ACACB: variants seen among roughly 807,000 people sequenced by gnomAD.
ACACB encodes acetyl-CoA carboxylase 2.
Under a neutral mutation model 278.8 loss-of-function variants are expected in ACACB, and 209 were observed. The ratio of observed to expected loss-of-function variants is 0.75; its 90% confidence interval spans 0.67 to 0.84. ACACB has a LOEUF of 0.84. Ranked by LOEUF, ACACB falls within the 40% of genes least tolerant of loss-of-function variation. The pLI, the probability that ACACB is intolerant of heterozygous loss-of-function variation, is 0.00. For missense variants in ACACB, 2,850 were observed against 3,269.0 expected (o/e 0.87, Z 3.13); for synonymous variants, 1,174 against 1,285.6 (o/e 0.91, Z 1.86).
rs539479893 is a variant in ACACB, at chr12:109,139,041, C to T, written c.-9-356C>T. On this transcript the variant is annotated intron_variant, in intron 1 of 52. Coordinates refer to ENST00000338432, the MANE Select transcript of ACACB (RefSeq NM_001093.4). Reference sequence around the variant, plus strand: ...CCCTACACTCTGTAGCCATCATCCCCATCCCACTAGGTCCTGGCAACCACT... The same window carrying T: ...CCCTACACTCTGTAGCCATCATCCCTATCCCACTAGGTCCTGGCAACCACT... 5.3e-5 allele frequency among the ~76,000 whole-genome samples: 8 copies of T among 152,346 alleles called. No homozygotes were observed. In the South Asian group the frequency reaches 1.7e-3, roughly 32 times the overall value.
intron 44 of ACACB, among the ~76,000 whole-genome samples, chr12:109,255,280 T>A (rs1282278193): frequency 6.6e-6 from 1 of 152,200 alleles, no homozygotes; most frequent in Non-Finnish European, 1.5e-5. Context: ...ATATCCCAAA[T>A]CTAGAATTTC....
intron 2 of ACACB, among the ~76,000 whole-genome samples, chr12:109,165,383 C>T (rs1246804934): frequency 6.6e-6 from 1 of 152,038 alleles, no homozygotes; most frequent in Non-Finnish European, 1.5e-5. Flanking sequence ...GAGATGGGGT[C>T]TTGCTACATT....
intron 2 of ACACB, among the ~76,000 whole-genome samples, chr12:109,145,931 C>G (rs165969): frequency 0.16 from 24,562 of 152,018 alleles, 2,246 homozygotes; most frequent in East Asian, 0.36. Flanking sequence ...ATCACTTGAA[C>G]CTGGGAGGCA....
intron 21 of ACACB, among the ~76,000 whole-genome samples, chr12:109,210,061 GTGTATATATGTGTATATA>G (rs2045678789): frequency 1.1e-5 from 1 of 87,146 alleles, no homozygotes; most frequent in South Asian, 4.0e-4. Context: ...ACACACACGT[GTGTATATATGTGTATATA>G]TGTATATATA....
At chr12:109,206,037 T>C (rs1006282533) in intron 19 of ACACB, among the ~76,000 whole-genome samples, 21 of 152,228 alleles carry the variant, frequency 1.4e-4, no homozygotes, top group South Asian at 4.1e-4. Context: ...GAGATGTTCA[T>C]AAATTTTCAT....
intron 20 of ACACB, among the ~76,000 whole-genome samples, chr12:109,207,998 T>C (rs1005421289): frequency 6.6e-6 from 1 of 151,992 alleles, no homozygotes; most frequent in Non-Finnish European, 1.5e-5. Flanking sequence ...TCTAACTACT[T>C]AAAAGTTCAA....
chr12:109,241,379 G>A, intron 36 of ACACB, 98 bp downstream of exon 36: 2 of 1,247,932 alleles, frequency 1.6e-6, no homozygotes, highest in Non-Finnish European at 2.3e-6. Context: ...AGGCGGTCTT[G>A]CCTTGCTCTC....
intron 2 of ACACB, among the ~76,000 whole-genome samples, chr12:109,141,342 G>GT (rs2043119530): frequency 6.6e-6 from 1 of 152,228 alleles, no homozygotes; most frequent in African/African-American, 2.4e-5. Flanking sequence ...TTCATAACAG[G>GT]TGGGACTATC....
chr12:109,229,610 GC>G (rs1301389511), intron 28 of ACACB, among the ~76,000 whole-genome samples: 9 of 151,924 alleles, frequency 5.9e-5, no homozygotes, highest in Admixed American at 5.9e-4. Context: ...GCTCACTGCA[GC>G]CTCCGCCTCC....
chr12:109,173,163 G>A (rs1023515148), intron 6 of ACACB, among the ~76,000 whole-genome samples: 1 of 152,166 alleles, frequency 6.6e-6, no homozygotes, highest in African/African-American at 2.4e-5. Context: ...CTACTTGAGG[G>A]TGAAAGGCGA....
chr12:109,156,711 A>G (rs1305545495), intron 2 of ACACB, among the ~76,000 whole-genome samples: 1 of 151,458 alleles, frequency 6.6e-6, no homozygotes, highest in Non-Finnish European at 1.5e-5. Flanking sequence ...ATAAACATTC[A>G]TGCACACCTC....
intron 1 of ACACB, among the ~76,000 whole-genome samples, chr12:109,126,437 C>T (rs1045203918): frequency 6.6e-6 from 1 of 152,128 alleles, no homozygotes; most frequent in Non-Finnish European, 1.5e-5. Flanking sequence ...AATCCCAGAA[C>T]TTTGGGAGGA....
intron 12 of ACACB, among the ~76,000 whole-genome samples, chr12:109,187,167 A>G (rs2044691291): frequency 6.6e-6 from 1 of 151,948 alleles, no homozygotes; most frequent in African/African-American, 2.4e-5. Context: ...GGAGGAAGGA[A>G]GGAGAGAAGA....
At chr12:109,137,639 G>A (rs775336850) in intron 1 of ACACB, among the ~76,000 whole-genome samples, 2 of 150,770 alleles carry the variant, frequency 1.3e-5, no homozygotes, top group South Asian at 2.1e-4. Context: ...CCACCTGGGC[G>A]ACAGGGTCAG....
chr12:109,210,270 C>CACACATATCTGTGTGTATATGTAT (rs1565927678), intron 21 of ACACB, among the ~76,000 whole-genome samples: 339 of 19,918 alleles, frequency 0.017, 120 homozygotes, highest in Middle Eastern at 0.031. Context: ...TGTATATGTA[C>CACACATATCTGTGTGTATATGTAT]ATATACACAC....
At chr12:109,141,110 C>T (rs766330034) in intron 2 of ACACB, among the ~76,000 whole-genome samples, 10 of 151,876 alleles carry the variant, frequency 6.6e-5, no homozygotes, top group African/African-American at 9.7e-5. Flanking sequence ...ACCATATTGC[C>T]CAGGCTGGTC....
chr12:109,142,630 G>C (rs1481960199), intron 2 of ACACB, among the ~76,000 whole-genome samples: 2 of 152,042 alleles, frequency 1.3e-5, no homozygotes, highest in African/African-American at 4.8e-5. Context: ...GCAGTGGCAT[G>C]ATCTTGGCTC....
At chr12:109,209,686 T>C (rs1307836700) in intron 21 of ACACB, among the ~76,000 whole-genome samples, 1 of 151,726 alleles carries the variant, frequency 6.6e-6, no homozygotes. Flanking sequence ...TGCAAGTTTT[T>C]TTATTTTTGT....
At chr12:109,257,088 A>G (rs891080501) in intron 45 of ACACB, among the ~76,000 whole-genome samples, 19 of 152,150 alleles carry the variant, frequency 1.2e-4, no homozygotes, top group African/African-American at 4.6e-4. Context: ...AGCCTGGCCA[A>G]CATGGCGAAA....
Sources: allele counts gnomAD v4.1 joint callset (sites outside exome capture counted in the v4.1 genomes callset), GRCh38; gene constraint gnomAD v4.1.1; transcripts MANE v1.5; gene names NCBI Gene and HGNC (gene_info 2026-07-23, HGNC 2026-07-21).